ANO9: variants seen among roughly 807,000 people sequenced by gnomAD.
ANO9 encodes anoctamin-9.
In ANO9, 80 loss-of-function variants were observed where a neutral mutation model predicts 100.5. That is an observed-to-expected ratio of 0.80 (90% CI 0.66 to 0.96). The LOEUF (loss-of-function observed/expected upper bound fraction) is 0.96, where lower values mean the gene tolerates loss of function less well. Among genes scored for constraint, ANO9 ranks in the 40% least tolerant of loss-of-function variants. ANO9 has a pLI of 0.00. For missense variants in ANO9, 1,064 were observed against 1,072.7 expected (o/e 0.99, Z 0.11); for synonymous variants, 473 against 435.6 (o/e 1.09, Z -1.07).
chr11:418,893 C>G lies in ANO9; in HGVS notation c.2031G>C (p.Leu677=). The change falls in exon 21 of 23, where the codon CTG becomes CTC. Residue 677 remains leucine, a synonymous_variant. Coordinates refer to ENST00000332826, the MANE Select transcript of ANO9 (RefSeq NM_001012302.3). ...DGIEGSENVT[L]CRYRDYRNPP... ...GGGGATGGGGAGTTCCAAACCTGCA[C>G]AGAGTCACGTTTTCTGAGCCCTCAA... 1 of 1,613,580 alleles carries G rather than the reference C, an allele frequency of 6.2e-7. No individual in the cohort carries two copies. Among genetic ancestry groups the G allele is most frequent in the Non-Finnish European group, 8.5e-7 (1 of 1,179,962 alleles).
At chr11:429,876 T>A in intron 9 of ANO9, 58 bp from the exon 10 acceptor site, 1 of 1,281,520 alleles carries the variant, frequency 7.8e-7, no homozygotes, top group Non-Finnish European at 1.0e-6. Flanking sequence ...GGGGGGCAGG[T>A]GAGCCAGGGA....
At position 421,816 on chromosome 11, in the gene ANO9, A is replaced by G. The variant is rs1848216349; in HGVS notation, c.1335-618T>C. On this transcript the variant is annotated intron_variant, in intron 15 of 22. Coordinates refer to ENST00000332826, the MANE Select transcript of ANO9 (RefSeq NM_001012302.3). This position sits in a 1 kb window ranked among gnomAD's most constrained non-coding sequence, Gnocchi z 6.8. ...AGAAATACATGAACTATCTTAAACC[A>G]AAAGTCAGGCTCATGGTCAGTGGTG... Among the ~76,000 whole-genome samples the G allele has an allele frequency of 6.6e-6, 1 of 152,248 alleles. No homozygotes were observed. The highest frequency in any genetic ancestry group is 2.1e-4 in the South Asian group (1 of 4,836).
chr11:431,925 C>A lies in ANO9; in HGVS notation c.407-19G>T, dbSNP rs1262496452. The A allele has an allele frequency of 6.2e-7, 1 of 1,611,118 alleles. No homozygotes were observed. Reference sequence around the variant, plus strand: ...AAGGTCTCTGGGTCACAGGGGTTCACGAGTCAGGGGGAGTGAGGTGCTGGG... The same window carrying A: ...AAGGTCTCTGGGTCACAGGGGTTCAAGAGTCAGGGGGAGTGAGGTGCTGGG... On this transcript the variant is annotated intron_variant, in intron 5 of 22. Transcript: ENST00000332826.
At chr11:428,902 C>G (rs1848694235) in intron 11 of ANO9, 76 bp from the exon 12 acceptor site, 1 of 1,403,362 alleles carries the variant, frequency 7.1e-7, no homozygotes, top group East Asian at 2.3e-5. Flanking sequence ...AGAGACACAC[C>G]TCACGGGTGG....
rs752758844 is a variant in ANO9, at chr11:420,702, C to A, written c.1633+16G>T. 10 of 1,604,824 alleles carry A rather than the reference C, an allele frequency of 6.2e-6. No individual in the cohort carries two copies. Among genetic ancestry groups the A allele is most frequent in the African/African-American group, 1.3e-5 (1 of 74,902 alleles). On this transcript the variant is annotated intron_variant, in intron 18 of 22. Transcript: ENST00000332826. Reference sequence around the variant, plus strand: ...CATTCGTCTCCGCGAACCCCCGCCCCGCAGCGCCCACGCACTCATCTCCAT... The same window carrying A: ...CATTCGTCTCCGCGAACCCCCGCCCAGCAGCGCCCACGCACTCATCTCCAT...
Position 420,733 on chromosome 11 carries a change from C to T in ANO9, c.1618G>A (p.Glu540Lys), listed in dbSNP as rs150408702. 5 of 1,608,398 alleles carry T rather than the reference C, an allele frequency of 3.1e-6. No individual in the cohort carries two copies. The highest frequency in any genetic ancestry group is 1.7e-5 in the Admixed American group (1 of 59,810). ...NPVNTFSLFD[E>K]FMEMMIQYGF... ...GCCCACGCACTCATCTCCATGAACT[C>T]GTCGAACAGGCTGAAGGTGTTGACC... Residue 540 changes from glutamate to lysine, a missense_variant, in exon 18 of 23, where the codon GAG becomes AAG. Physicochemically the swap from Glu to Lys is moderately conservative, Grantham distance 56 (BLOSUM62 1). Coordinates refer to ENST00000332826, the MANE Select transcript of ANO9 (RefSeq NM_001012302.3).
At chr11:434,124 G>C in intron 1 of ANO9, 26 bp from the exon 2 acceptor site, 1 of 1,548,462 alleles carries the variant, frequency 6.5e-7, no homozygotes, top group South Asian at 1.2e-5. Flanking sequence ...CAGAGAAAGG[G>C]ATAGGAGGAT....
chr11:426,659 C>T (rs1848538880), intron 15 of ANO9, among the ~76,000 whole-genome samples: 2 of 152,112 alleles, frequency 1.3e-5, no homozygotes. Context: ...ATTGGAGAGG[C>T]CTGAAGTCCA....
chr11:428,841 G>C lies in ANO9; in HGVS notation c.916-15C>G. 6.2e-7 allele frequency: 1 copy of C among 1,611,070 alleles called. No homozygotes were observed. Among genetic ancestry groups the C allele is most frequent in the Non-Finnish European group, 8.5e-7 (1 of 1,178,658 alleles). ...GCCATTTCCTCCTGGGGAGAGCACC[G>C]GGCAAGCCTCAGACAAGGGACACTC... is the stretch of plus-strand genomic sequence containing the variant. On this transcript the variant is annotated splice_polypyrimidine_tract_variant and intron_variant, in intron 11 of 22. Transcript: ENST00000332826.
chr11:429,837 G>T lies in ANO9; in HGVS notation c.772-19C>A, dbSNP rs1204892512. 6.3e-7 allele frequency: 1 copy of T among 1,583,994 alleles called. No individual in the cohort carries two copies. The highest frequency in any genetic ancestry group is 8.6e-7 in the Non-Finnish European group (1 of 1,162,984). On this transcript the variant is annotated intron_variant, in intron 9 of 22. Coordinates refer to ENST00000332826, the MANE Select transcript of ANO9 (RefSeq NM_001012302.3). The stretch of plus-strand genomic sequence containing the variant: ...GGGTGAGCTGGGGGGGTGATAGGTG[G>T]GCCGGAGAGGAGGTGGGTGAGCTGG...
Position 419,684 on chromosome 11 carries a change from A to C in ANO9, c.1832T>G (p.Ile611Ser). Residue 611 changes from isoleucine (I) to serine (S), a missense_variant, in exon 20 of 23, where the codon ATT becomes AGT. Coordinates refer to ENST00000332826, the MANE Select transcript of ANO9 (RefSeq NM_001012302.3). ...VLETIGVLAV[I>S]ANGMVIAFTS... ...GAAGGCAATGACCATCCCATTGGCA[A>C]TGACCGCCAGCACACCGATGGTCTC... 6.2e-7 allele frequency: 1 copy of C among 1,610,000 alleles called. No individual in the cohort carries two copies. The highest frequency in any genetic ancestry group is 8.5e-7 in the Non-Finnish European group (1 of 1,179,264).
chr11:433,471 T>G lies in ANO9; in HGVS notation c.205-12A>C, dbSNP rs764003160. ...TGGTCCCGGATCACCTGGGGGCACA[T>G]GGGATCCTCTATCCCACCTCAGAAC... is the stretch of plus-strand genomic sequence containing the variant. On this transcript the variant is annotated splice_polypyrimidine_tract_variant and intron_variant, in intron 3 of 22. Coordinates refer to ENST00000332826, the MANE Select transcript of ANO9 (RefSeq NM_001012302.3). The G allele has an allele frequency of 2.5e-6, 4 of 1,611,224 alleles. No homozygotes were observed. In the South Asian group the frequency reaches 3.3e-5, roughly 13 times the overall value.
At chr11:430,238 C>T (rs913050766) in intron 8 of ANO9, 31 bp downstream of exon 8, 8 of 1,552,236 alleles carry the variant, frequency 5.2e-6, no homozygotes, top group Non-Finnish European at 7.0e-6. Flanking sequence ...CCCACCCCGG[C>T]CCCCCATGCC....
At position 434,047 on chromosome 11, in the gene ANO9, GC is replaced by G. The variant is rs1481440557; in HGVS notation, c.57del (p.Leu20Ter). The G allele has an allele frequency of 1.3e-6, 2 of 1,550,948 alleles. No homozygotes were observed. The highest frequency in any genetic ancestry group is 2.7e-5 in the African/African-American group (2 of 73,118). On this transcript the variant is annotated frameshift_variant, in exon 2 of 23. Transcript: ENST00000332826. LOFTEE classifies it high-confidence loss of function. Reference sequence around the variant, plus strand: ...ACCTCACAGGTGCTGATCTCCATCAGCGGGAAGCTGTCCCCTTCGGGCTCCA... The same window carrying G: ...ACCTCACAGGTGCTGATCTCCATCAGGGGAAGCTGTCCCCTTCGGGCTCCA... ...ILVEPEGDSF[P>X]LMEISTCETE...
chr11:426,859 C>T (rs1241346944), intron 15 of ANO9, among the ~76,000 whole-genome samples: 2 of 152,178 alleles, frequency 1.3e-5, no homozygotes, highest in East Asian at 1.9e-4. Flanking sequence ...TAGAAGCTCA[C>T]TAGGGGTTTG....
At position 429,822 on chromosome 11, in the gene ANO9, G is replaced by T; in HGVS notation, c.772-4C>A. On this transcript the variant is annotated splice_polypyrimidine_tract_variant and splice_region_variant and intron_variant, in intron 9 of 22. Transcript: ENST00000332826. The stretch of plus-strand genomic sequence containing the variant: ...CATTGTCAAAGAGGTGGGTGAGCTG[G>T]GGGGGTGATAGGTGGGCCGGAGAGG... 1 of 1,599,908 alleles carries T rather than the reference G, an allele frequency of 6.3e-7. No individual in the cohort carries two copies. Among genetic ancestry groups the T allele is most frequent in the Non-Finnish European group, 8.5e-7 (1 of 1,171,548 alleles).
In ANO9 at chr11:422,318, C is replaced by T. The variant is rs973411963; in HGVS notation, c.1335-1120G>A. Reference sequence around the variant, plus strand: ...TAGTCAGAGCGATGGGCCGCAAAGACGTCCACGTGCTCATTCTTGGAGCCT... The same window carrying T: ...TAGTCAGAGCGATGGGCCGCAAAGATGTCCACGTGCTCATTCTTGGAGCCT... On this transcript the variant is annotated intron_variant, in intron 15 of 22. Transcript: ENST00000332826. This position sits in a 1 kb window ranked among gnomAD's most constrained non-coding sequence, Gnocchi z 4.3. Among the ~76,000 whole-genome samples the T allele has an allele frequency of 6.6e-5, 10 of 152,364 alleles. No individual in the cohort carries two copies. Among genetic ancestry groups the T allele is most frequent in the Non-Finnish European group, 1.3e-4 (9 of 68,036 alleles).
intron 4 of ANO9, chr11:433,104 C>T (rs943441877): frequency 2.3e-5 from 14 of 617,704 alleles, no homozygotes; most frequent in Admixed American, 6.9e-5. Context: ...ATGCTCTGAG[C>T]GTTGAGAACC....
At position 432,135 on chromosome 11, in the gene ANO9, A is replaced by G. The variant is rs951769783; in HGVS notation, c.351-81T>C. The G allele has an allele frequency of 8.8e-6, 13 of 1,474,552 alleles. No individual in the cohort carries two copies. The highest frequency in any genetic ancestry group is 1.1e-5 in the Non-Finnish European group (12 of 1,071,222). The allele number at this position is 1,474,552 out of a possible 1,614,324, so 91.3% of individuals were successfully genotyped here. On this transcript the variant is annotated intron_variant, in intron 4 of 22. Coordinates refer to ENST00000332826, the MANE Select transcript of ANO9 (RefSeq NM_001012302.3). This position sits in a 1 kb window ranked among gnomAD's most constrained non-coding sequence, Gnocchi z 4.8. ...TCTCAACCTGCCCTCTGGTCTGGCC[A>G]GGCCCAGGCCCCTCCCTGTCCTGGC...
Sources: allele counts gnomAD v4.1 joint callset (sites outside exome capture counted in the v4.1 genomes callset), GRCh38; gene constraint gnomAD v4.1.1; non-coding constraint Gnocchi (gnomAD v3.1); transcripts MANE v1.5; gene names NCBI Gene and HGNC (gene_info 2026-07-23, HGNC 2026-07-21).